SERGEF: variants seen among roughly 807,000 people sequenced by gnomAD.
SERGEF encodes secretion regulating guanine nucleotide exchange factor, also known as secretion-regulating guanine nucleotide exchange factor.
SERGEF carries 51 observed loss-of-function variants against 50.0 expected under a neutral mutation model. The observed-to-expected ratio is 1.02, with a 90% confidence interval of 0.81 to 1.29. The LOEUF (loss-of-function observed/expected upper bound fraction) is 1.29, where lower values mean the gene tolerates loss of function less well. Among genes scored for constraint, SERGEF ranks in the 50% most tolerant of loss-of-function variants. The pLI is 0.00. For synonymous variants in SERGEF, 205 were observed against 212.4 expected (o/e 0.97, Z 0.30); for missense variants, 521 against 557.0 (o/e 0.94, Z 0.65).
intron 10 of SERGEF, among the ~76,000 whole-genome samples, chr11:17,840,656 G>GC (rs1296572263): frequency 6.6e-6 from 1 of 152,114 alleles, no homozygotes; most frequent in Non-Finnish European, 1.5e-5. Flanking sequence ...CAGAAGAGAG[G>GC]CCCCCAAAGA....
At chr11:17,987,235 G>A (rs1381669466) in intron 8 of SERGEF, among the ~76,000 whole-genome samples, 1 of 152,176 alleles carries the variant, frequency 6.6e-6, no homozygotes, top group Non-Finnish European at 1.5e-5. Flanking sequence ...ACCCTGCCTT[G>A]TATGCATTTG....
intron 9 of SERGEF, among the ~76,000 whole-genome samples, chr11:17,926,557 C>T (rs890063930): frequency 8.5e-5 from 13 of 152,314 alleles, no homozygotes; most frequent in African/African-American, 3.1e-4. Flanking sequence ...GAAGCAGCCT[C>T]AGTGTGCTGC....
At chr11:17,818,304 T>C (rs1378678716) in intron 10 of SERGEF, among the ~76,000 whole-genome samples, 1 of 152,174 alleles carries the variant, frequency 6.6e-6, no homozygotes, top group Non-Finnish European at 1.5e-5. Context: ...TTCAATTTGC[T>C]TGTCTGTAAA....
In SERGEF at chr11:17,884,070, T is replaced by C. The variant is rs1199979672; in HGVS notation, c.1012-5826A>G. 1.3e-5 allele frequency among the ~76,000 whole-genome samples: 2 copies of C among 152,190 alleles called. No homozygotes were observed. The highest frequency in any genetic ancestry group is 4.8e-5 in the African/African-American group (2 of 41,540). The stretch of plus-strand genomic sequence containing the variant: ...CCACGCCACCAGCCAGGGGCCGCTT[T>C]CCTCTACCAGAGAGGGGTAGCCAGC... On this transcript the variant is annotated intron_variant, in intron 9 of 10. Coordinates refer to ENST00000265965, the MANE Select transcript of SERGEF (RefSeq NM_012139.4). The surrounding 1 kb of genome is among the most constrained non-coding windows in gnomAD (Gnocchi z 4.6).
intron 8 of SERGEF, among the ~76,000 whole-genome samples, chr11:17,983,848 G>A (rs1185411895): frequency 2.0e-5 from 3 of 151,548 alleles, no homozygotes; most frequent in Non-Finnish European, 4.4e-5. Flanking sequence ...AAAGGATTTA[G>A]CTAAGTCAAA....
intron 7 of SERGEF, among the ~76,000 whole-genome samples, 164 bp from the exon 8 acceptor site, chr11:17,988,919 TA>T (rs1451137533): frequency 6.6e-6 from 1 of 152,204 alleles, no homozygotes; most frequent in Non-Finnish European, 1.5e-5. Context: ...TACACCATAA[TA>T]ACTTATTACA....
At chr11:17,855,709 C>T (rs1177410359) in intron 10 of SERGEF, 1 of 152,176 alleles carries the variant, frequency 6.6e-6, no homozygotes, top group African/African-American at 2.4e-5. Flanking sequence ...GTAACAGAAA[C>T]TGTAGAAAGT....
At chr11:17,971,206 GAAAGA>G (rs958119072) in intron 8 of SERGEF, among the ~76,000 whole-genome samples, 32 of 152,126 alleles carry the variant, frequency 2.1e-4, no homozygotes, top group African/African-American at 7.5e-4. Context: ...AAAAAGAAAA[GAAAGA>G]AAAGAAAAGA....
At chr11:17,905,569 A>G (rs767782173) in intron 9 of SERGEF, among the ~76,000 whole-genome samples, 2 of 152,248 alleles carry the variant, frequency 1.3e-5, no homozygotes. Flanking sequence ...CAAAGTCAGC[A>G]GGACCCAGGG....
intron 10 of SERGEF, among the ~76,000 whole-genome samples, chr11:17,869,015 C>G (rs976099460): frequency 6.6e-6 from 1 of 152,168 alleles, no homozygotes; most frequent in African/African-American, 2.4e-5. Flanking sequence ...TCTCAAACTC[C>G]TGGCCTTAAG....
chr11:17,830,672 G>GAGAGAGAGAGAC (rs1440021154), intron 10 of SERGEF, among the ~76,000 whole-genome samples: 15 of 144,982 alleles, frequency 1.0e-4, no homozygotes, highest in African/African-American at 3.9e-4. Context: ...GAGAGAGAGA[G>GAGAGAGAGAGAC]AGAGAGAGAG....
At position 18,008,042 on chromosome 11, in the gene SERGEF, T is replaced by C. The variant is rs145281105; in HGVS notation, c.95A>G (p.His32Arg). 1.3e-4 allele frequency: 205 copies of C among 1,614,160 alleles called. 1 individual carries two copies. The African/African-American group carries it at 2.3e-3, about 18-fold the overall frequency. ...CTGGGGCAACAGCACATCTTCCTTA[T>C]GGCCGAGGCCAAGTTGCCCATAGCT... Reference protein sequence around the residue: ...ANSYGQLGLGHKEDVLLPQQL... With the variant: ...ANSYGQLGLGRKEDVLLPQQL... Residue 32 changes from histidine (H) to arginine (R), a missense_variant, in exon 2 of 11, where the codon CAT becomes CGT. His to Arg is a conservative substitution (Grantham distance 29). Transcript: ENST00000265965.
intron 9 of SERGEF, among the ~76,000 whole-genome samples, chr11:17,907,504 C>T (rs1851871245): frequency 6.6e-6 from 1 of 152,200 alleles, no homozygotes; most frequent in African/African-American, 2.4e-5. Flanking sequence ...TGTTCTTTCC[C>T]TGTGTTTAAA....
chr11:17,979,010 A>G (rs1055163327), intron 8 of SERGEF, among the ~76,000 whole-genome samples: 7 of 152,194 alleles, frequency 4.6e-5, no homozygotes, highest in Non-Finnish European at 8.8e-5. Context: ...CAAACACAAA[A>G]TCCAAATATA....
At chr11:17,976,386 A>G (rs781301075) in intron 8 of SERGEF, among the ~76,000 whole-genome samples, 1 of 151,606 alleles carries the variant, frequency 6.6e-6, no homozygotes, top group Non-Finnish European at 1.5e-5. Context: ...CCAGGGTTCA[A>G]GTGATTCTCT....
chr11:17,895,536 A>T (rs1484314033), intron 9 of SERGEF, among the ~76,000 whole-genome samples: 1 of 152,192 alleles, frequency 6.6e-6, no homozygotes, highest in Non-Finnish European at 1.5e-5. Context: ...TTCCTAGCTG[A>T]GTGATCATCA....
At chr11:17,913,115 C>T (rs1851984189) in intron 9 of SERGEF, among the ~76,000 whole-genome samples, 1 of 152,218 alleles carries the variant, frequency 6.6e-6, no homozygotes, top group Non-Finnish European at 1.5e-5. Flanking sequence ...TCTTGCTTGC[C>T]TGTCCTTTTG....
chr11:17,808,139 G>T (rs1306987264), intron 10 of SERGEF, among the ~76,000 whole-genome samples: 2 of 152,200 alleles, frequency 1.3e-5, no homozygotes, highest in Admixed American at 1.3e-4. Context: ...CCAAGGGCCT[G>T]AACTTCTTAT....
chr11:18,002,292 AAG>A (rs1341582849), intron 4 of SERGEF, among the ~76,000 whole-genome samples: 2 of 152,104 alleles, frequency 1.3e-5, no homozygotes. Flanking sequence ...GATTGTTAGC[AAG>A]AGTTTCCTCA....
Sources: allele counts gnomAD v4.1 joint callset (sites outside exome capture counted in the v4.1 genomes callset), GRCh38; gene constraint gnomAD v4.1.1; non-coding constraint Gnocchi (gnomAD v3.1); transcripts MANE v1.5; gene names NCBI Gene and HGNC (gene_info 2026-07-23, HGNC 2026-07-21).